Variants in SPSB1 observed in about 807,000 individuals in gnomAD.
The protein encoded by SPSB1 is SPRY domain-containing SOCS box protein 1.
Under a neutral mutation model 21.2 loss-of-function variants are expected in SPSB1, and 8 were observed. The observed-to-expected ratio is 0.38, with a 90% CI of 0.22 to 0.68. SPSB1 has a LOEUF of 0.68. Ranked by LOEUF, SPSB1 falls within the 30% of genes least tolerant of loss-of-function variation. The pLI is 0.53. For missense variants in SPSB1, 242 were observed against 377.8 expected, an observed-to-expected ratio of 0.64 and a Z score of 2.98; for synonymous variants, 169 against 161.7, an observed-to-expected ratio of 1.05 and a Z score of -0.34.
rs913083072 is a variant in SPSB1, at chr1:9,355,790, A to C, written c.-102A>C. The C allele has an allele frequency of 1.3e-6, 2 of 1,495,144 alleles. No homozygotes were observed. Among genetic ancestry groups the C allele is most frequent in the African/African-American group, 2.8e-5 (2 of 71,394 alleles). The allele number at this position is 1,495,144 out of a possible 1,614,324, so 92.6% of individuals were successfully genotyped here. On this transcript the variant is annotated 5_prime_UTR_variant, in exon 2 of 3. Transcript: ENST00000328089. ...TTGCAGAGGTCTCCTGGCAGCCCTC[A>C]TTAGGAATTCTGTCTGGCCCCGATC...
chr1:9,332,840 T>C (rs1639943632), intron 1 of SPSB1, among the ~76,000 whole-genome samples: 1 of 152,230 alleles, frequency 6.6e-6, no homozygotes, highest in Non-Finnish European at 1.5e-5. Flanking sequence ...GCATTTTCCC[T>C]GCAGGGTCTA....
intron 1 of SPSB1, among the ~76,000 whole-genome samples, chr1:9,342,543 C>T (rs1045370576): frequency 8.5e-5 from 13 of 152,186 alleles, no homozygotes; most frequent in African/African-American, 2.9e-4. Flanking sequence ...AGAAAGTAGG[C>T]GCCTAGGAAT....
At chr1:9,353,116 G>A (rs975131459) in intron 1 of SPSB1, among the ~76,000 whole-genome samples, 4 of 152,074 alleles carry the variant, frequency 2.6e-5, no homozygotes, top group African/African-American at 9.7e-5. Flanking sequence ...AGCTGGAGGG[G>A]GTGTCCAGAC....
At chr1:9,295,195 TGTGTGTGTGTGTGAGAGTGTGA>T (rs1189810526) in intron 1 of SPSB1, among the ~76,000 whole-genome samples, 2 of 138,778 alleles carry the variant, frequency 1.4e-5, no homozygotes, top group Non-Finnish European at 3.1e-5. Flanking sequence ...AGATGGAGTG[TGTGTGTGTGTGTGAGAGTGTGA>T]GTGTGTGTGT....
intron 1 of SPSB1, among the ~76,000 whole-genome samples, chr1:9,347,943 CTTTTT>C (rs57731582): frequency 7.6e-6 from 1 of 132,436 alleles, no homozygotes; most frequent in South Asian, 2.6e-4. Context: ...TTCCCTGCAA[CTTTTT>C]TTTTTTTTTT....
intron 1 of SPSB1, among the ~76,000 whole-genome samples, chr1:9,307,544 T>G (rs1300403684): frequency 6.6e-6 from 1 of 152,242 alleles, no homozygotes; most frequent in Non-Finnish European, 1.5e-5. Context: ...CATGGAAGAT[T>G]GAAGCATTTC....
Position 9,356,585 on chromosome 1 carries a change from C to A in SPSB1, c.694C>A (p.Pro232Thr), listed in dbSNP as rs768783775. 1 of 1,581,802 alleles carries A rather than the reference C, an allele frequency of 6.3e-7. No homozygotes were observed. Among genetic ancestry groups the A allele is most frequent in the Middle Eastern group, 1.7e-4 (1 of 5,928 alleles). The stretch of plus-strand genomic sequence containing the variant: ...AATGCGCTACTTGAACGGACTCGAT[C>A]GTAAGTGTCTCCTCTGCTGTCAGAG... ...IRMRYLNGLD[P>T]EPLPLMDLCR... The change falls in exon 2 of 3, where the codon CCC becomes ACC. Residue 232 changes from proline (P) to threonine (T), a missense_variant and splice_region_variant. By Grantham distance (38) the Pro-to-Thr change is conservative. Coordinates refer to ENST00000328089, the MANE Select transcript of SPSB1 (RefSeq NM_025106.4). The surrounding 1 kb of genome is among the most constrained non-coding windows in gnomAD (Gnocchi z 7.4).
chr1:9,296,561 A>C (rs1226214119), intron 1 of SPSB1, among the ~76,000 whole-genome samples: 2 of 105,568 alleles, frequency 1.9e-5, no homozygotes, highest in Non-Finnish European at 4.4e-5. Context: ...GCACATGCAT[A>C]CTTATGCTCA....
At chr1:9,309,151 C>T (rs1313044632) in intron 1 of SPSB1, among the ~76,000 whole-genome samples, 1 of 151,786 alleles carries the variant, frequency 6.6e-6, no homozygotes, top group African/African-American at 2.4e-5. Context: ...GCCCAGGGGT[C>T]GTCGGTGGGC....
At chr1:9,330,801 G>C (rs150030288) in intron 1 of SPSB1, among the ~76,000 whole-genome samples, 1 of 151,818 alleles carries the variant, frequency 6.6e-6, no homozygotes, top group Non-Finnish European at 1.5e-5. Flanking sequence ...GTACATTACC[G>C]GATCGTACGA....
At chr1:9,328,199 G>A (rs555071144) in intron 1 of SPSB1, among the ~76,000 whole-genome samples, 1 of 152,222 alleles carries the variant, frequency 6.6e-6, no homozygotes, top group Non-Finnish European at 1.5e-5. Flanking sequence ...TACAGGGGCT[G>A]AGGGAGGAGG....
chr1:9,341,100 C>T (rs901221697), intron 1 of SPSB1, among the ~76,000 whole-genome samples: 2 of 152,198 alleles, frequency 1.3e-5, no homozygotes, highest in African/African-American at 2.4e-5. Flanking sequence ...TTCCACTTCC[C>T]CTTTCTTCCC....
chr1:9,336,955 C>T (rs1640014779), intron 1 of SPSB1, among the ~76,000 whole-genome samples: 1 of 152,180 alleles, frequency 6.6e-6, no homozygotes, highest in Admixed American at 6.5e-5. Context: ...CACTGAGGGG[C>T]CGCTTCACAG....
chr1:9,310,929 G>A (rs138067261), intron 1 of SPSB1, among the ~76,000 whole-genome samples: 10 of 152,248 alleles, frequency 6.6e-5, no homozygotes, highest in South Asian at 2.1e-4. Context: ...TAAATTATAC[G>A]TACATGTCAG....
chr1:9,361,964 G>A (rs964074295), intron 2 of SPSB1, among the ~76,000 whole-genome samples: 7 of 152,264 alleles, frequency 4.6e-5, no homozygotes, highest in Non-Finnish European at 1.0e-4. Context: ...CCACTGAGGA[G>A]GCATCTTCCA....
chr1:9,315,764 G>A (rs1014560972), intron 1 of SPSB1, among the ~76,000 whole-genome samples: 2 of 152,202 alleles, frequency 1.3e-5, no homozygotes, highest in South Asian at 4.1e-4. Flanking sequence ...CGGAGGGACC[G>A]CACTGCTCAC....
At chr1:9,341,207 G>A (rs1432603561) in intron 1 of SPSB1, among the ~76,000 whole-genome samples, 1 of 152,170 alleles carries the variant, frequency 6.6e-6, no homozygotes, top group Non-Finnish European at 1.5e-5. Flanking sequence ...CTGGCCCCCC[G>A]GCCTCAGAAC....
chr1:9,359,802 C>T (rs1264520169), intron 2 of SPSB1, among the ~76,000 whole-genome samples: 1 of 124,932 alleles, frequency 8.0e-6, no homozygotes, highest in Non-Finnish European at 1.6e-5. Context: ...ACGAGCCAGG[C>T]TTGTCCCGGT....
rs1557467292 is a variant in SPSB1 at position 9,361,159 on chromosome 1, T to TTTTTTTTTTTTTTTTTTTA, written c.694+4592_694+4593insATTTTTTTTTTTTTTTTTT. 1.2e-4 allele frequency among the ~76,000 whole-genome samples: 4 copies of TTTTTTTTTTTTTTTTTTTA among 33,234 alleles called. 1 individual carries two copies. Among genetic ancestry groups the TTTTTTTTTTTTTTTTTTTA allele is most frequent in the East Asian group, 1.2e-3 (1 of 802 alleles). The allele number at this position is 33,234 out of a possible 152,430, so 21.8% of individuals were successfully genotyped here. ...GCATGGCTGGATCTGTCATTTTCTT[T>TTTTTTTTTTTTTTTTTTTA]TTTTTTTTTTTTTTTTTTTTTTTTA... On this transcript the variant is annotated intron_variant, in intron 2 of 2. Transcript: ENST00000328089.
Sources: gnomAD v4.1 joint callset for allele counts (sites outside exome capture counted in the v4.1 genomes callset) on GRCh38, gnomAD v4.1.1 for gene constraint, Gnocchi (gnomAD v3.1) non-coding constraint, MANE v1.5 for transcripts, NCBI Gene and HGNC (gene_info 2026-07-23, HGNC 2026-07-21) for gene names.